The following MIB1 variants were observed in gnomAD, a reference collection of about 807,000 sequenced individuals.
MIB1 encodes the protein MIB E3 ubiquitin protein ligase 1, also known as E3 ubiquitin-protein ligase MIB1.
Under a neutral mutation model 124.5 loss-of-function variants are expected in MIB1, and 278 were observed. The ratio of observed to expected loss-of-function variants is 2.23; its 90% confidence interval spans 2.02 to 2.47. MIB1 has a LOEUF of 2.47. MIB1 is among the 30% of genes most tolerant of loss of function. The probability of loss-of-function intolerance (pLI) is 0.00; values close to 1 mark genes in which losing one functional copy is unlikely to be tolerated. For synonymous variants in MIB1, 446 were observed against 429.4 expected (o/e 1.04, Z -0.48); for missense variants, 957 against 1,254.4 (o/e 0.76, Z 3.58).
intron 16 of MIB1, among the ~76,000 whole-genome samples, chr18:21,847,736 C>T (rs553186452): frequency 4.6e-5 from 7 of 152,252 alleles, no homozygotes; most frequent in African/African-American, 1.7e-4. Flanking sequence ...GACAGGTGCA[C>T]TCAGTATCAG....
At chr18:21,775,186 C>G (rs777764790) in intron 4 of MIB1, among the ~76,000 whole-genome samples, 3 of 151,802 alleles carry the variant, frequency 2.0e-5, no homozygotes, top group Non-Finnish European at 2.9e-5. Context: ...ACCTCGTGAT[C>G]CACCTGCCTC....
At chr18:21,768,965 C>G (rs974677228) in intron 3 of MIB1, among the ~76,000 whole-genome samples, 9 of 151,966 alleles carry the variant, frequency 5.9e-5, no homozygotes, top group African/African-American at 2.2e-4. Flanking sequence ...TAGGTTTTAC[C>G]TTCCCACCTT....
At chr18:21,710,653 G>C (rs1454297454) in intron 1 of MIB1, among the ~76,000 whole-genome samples, 1 of 151,874 alleles carries the variant, frequency 6.6e-6, no homozygotes, top group African/African-American at 2.4e-5. Context: ...GGGAGGCTAA[G>C]GTGGGAGGAT....
chr18:21,724,727 AATAT>A (rs60650753), intron 1 of MIB1, among the ~76,000 whole-genome samples: 241 of 17,338 alleles, frequency 0.014, 4 homozygotes, highest in Admixed American at 0.026. Context: ...AAAAAAAAAA[AATAT>A]ATATATATAT....
chr18:21,841,227 G>A (rs916829547), intron 13 of MIB1, among the ~76,000 whole-genome samples: 2 of 152,054 alleles, frequency 1.3e-5, no homozygotes, highest in Admixed American at 6.6e-5. Flanking sequence ...TTAGCCAGGC[G>A]TGGTGGCACG....
intron 4 of MIB1, among the ~76,000 whole-genome samples, chr18:21,774,806 T>TA (rs1266984011): frequency 7.3e-5 from 11 of 151,492 alleles, no homozygotes; most frequent in African/African-American, 2.7e-4. Context: ...TTTATTTATT[T>TA]TTTATATTTA....
chr18:21,741,796 G>A lies in MIB1; in HGVS notation c.213G>A (p.Leu71=), dbSNP rs764428468. ...RCSGAYDLRI[L]DSAPTGIKHD... ...CCGGGGCTTACGACCTCCGCATCCT[G>A]GACAGCGCGCCCACCGGTAAGCCGC... The change falls in exon 1 of 21, where the codon CTG becomes CTA. Residue 71 remains leucine (L), a synonymous_variant. Coordinates refer to ENST00000261537, the MANE Select transcript of MIB1 (RefSeq NM_020774.4). The surrounding 1 kb of genome is among the most constrained non-coding windows in gnomAD (Gnocchi z 5.4). 16 of 1,602,936 alleles carry A rather than the reference G, an allele frequency of 1.0e-5. No individual in the cohort carries two copies. Among genetic ancestry groups the A allele is most frequent in the Non-Finnish European group, 5.1e-6 (6 of 1,175,748 alleles).
chr18:21,842,206 T>C (rs1283285501), intron 13 of MIB1, among the ~76,000 whole-genome samples: 1 of 149,530 alleles, frequency 6.7e-6, no homozygotes, highest in East Asian at 2.0e-4. Flanking sequence ...TCTTGAAGAA[T>C]ATGACATAAC....
At chr18:21,766,100 A>G (rs965384598) in intron 2 of MIB1, among the ~76,000 whole-genome samples, 157 bp downstream of exon 2, 4 of 152,244 alleles carry the variant, frequency 2.6e-5, no homozygotes, top group Admixed American at 6.5e-5. Flanking sequence ...CAAATCTGCC[A>G]TATAACAAGA....
At chr18:21,802,862 A>G (rs2041664805) in intron 9 of MIB1, among the ~76,000 whole-genome samples, 2 of 152,174 alleles carry the variant, frequency 1.3e-5, no homozygotes, top group Admixed American at 6.5e-5. Flanking sequence ...TCCTATAGCA[A>G]TCTATTCTCT....
chr18:21,862,322 A>G (rs772440944), intron 20 of MIB1, among the ~76,000 whole-genome samples: 42 of 152,312 alleles, frequency 2.8e-4, no homozygotes, highest in African/African-American at 7.5e-4. Flanking sequence ...TCCTTTTACA[A>G]TGATCTCTGG....
Position 21,814,480 on chromosome 18 carries a change from G to A in MIB1, c.1480-1136G>A, listed in dbSNP as rs376160063. Among the ~76,000 whole-genome samples the A allele has an allele frequency of 8.3e-4, 126 of 151,954 alleles. 1 individual carries two copies. Among genetic ancestry groups the A allele is most frequent in the African/African-American group, 2.9e-3 (122 of 41,450 alleles). On this transcript the variant is annotated intron_variant, in intron 10 of 20. Coordinates refer to ENST00000261537, the MANE Select transcript of MIB1 (RefSeq NM_020774.4). ...CACCTATGATCCCAGCATTTTGTGA[G>A]GCTGAAGTTGGAGAATTTATTAAGG...
chr18:21,810,252 T>C lies in MIB1; in HGVS notation c.1480-5364T>C, dbSNP rs190669690. Among the ~76,000 whole-genome samples, 16 of 152,166 alleles carry C rather than the reference T, an allele frequency of 1.1e-4. No individual in the cohort carries two copies. In the East Asian group the frequency reaches 2.1e-3, roughly 20 times the overall value. On this transcript the variant is annotated intron_variant, in intron 10 of 20. Coordinates refer to ENST00000261537, the MANE Select transcript of MIB1 (RefSeq NM_020774.4). ...GCTGAAAGAAATTAAAGAAGACAGA[T>C]AACTGGAACTACTTCCCATGTTCAT...
intron 1 of MIB1, among the ~76,000 whole-genome samples, chr18:21,725,094 C>CAA (rs1218383555): frequency 0.027 from 1,156 of 43,088 alleles, 25 homozygotes; most frequent in African/African-American, 0.081. Context: ...GACTCTGTCT[C>CAA]AAAAAAAAAA....
At chr18:21,850,079 T>A (rs1358582018) in intron 17 of MIB1, among the ~76,000 whole-genome samples, 1 of 152,144 alleles carries the variant, frequency 6.6e-6, no homozygotes, top group Non-Finnish European at 1.5e-5. Context: ...AAAATCTATA[T>A]CTACTCTGAA....
chr18:21,831,712 C>G (rs558164173), intron 12 of MIB1, among the ~76,000 whole-genome samples: 1 of 151,892 alleles, frequency 6.6e-6, no homozygotes, highest in Non-Finnish European at 1.5e-5. Context: ...TTTCCACTTA[C>G]ATTTCCCAGA....
rs777677120 is a variant in MIB1, at chr18:21,798,170, T to C, written c.1179T>C (p.Asn393=). Residue 393 remains asparagine (N), a synonymous_variant, in exon 8 of 21, where the codon AAT becomes AAC. Coordinates refer to ENST00000261537, the MANE Select transcript of MIB1 (RefSeq NM_020774.4). Reference sequence around the variant, plus strand: ...TTTGTGGAACATCTTGGACATACAATCCAGCAGCAGTTTCCAAGGTGGCAT... The same window carrying C: ...TTTGTGGAACATCTTGGACATACAACCCAGCAGCAGTTTCCAAGGTGGCAT... ...VEVCGTSWTY[N]PAAVSKVASA... 1 of 1,613,354 alleles carries C rather than the reference T, an allele frequency of 6.2e-7. No individual in the cohort carries two copies. Among genetic ancestry groups the C allele is most frequent in the Non-Finnish European group, 8.5e-7 (1 of 1,179,456 alleles).
At chr18:21,826,819 T>C (rs2041928328) in intron 12 of MIB1, 1 of 152,150 alleles carries the variant, frequency 6.6e-6, no homozygotes, top group Non-Finnish European at 1.5e-5. Context: ...ATTCAGGCAG[T>C]ATGCAAATGA....
At chr18:21,718,423 A>G (rs2040699374) in intron 1 of MIB1, among the ~76,000 whole-genome samples, 2 of 152,236 alleles carry the variant, frequency 1.3e-5, no homozygotes, top group South Asian at 4.1e-4. Flanking sequence ...AAAGAAAAAA[A>G]TAGCTGGTCA....
Sources: allele counts gnomAD v4.1 joint callset (sites outside exome capture counted in the v4.1 genomes callset), GRCh38; gene constraint gnomAD v4.1.1; non-coding constraint Gnocchi (gnomAD v3.1); transcripts MANE v1.5; gene names NCBI Gene and HGNC (gene_info 2026-07-23, HGNC 2026-07-21).